Variants in ADAM10 observed in about 807,000 individuals in gnomAD.
The protein encoded by ADAM10 is disintegrin and metalloproteinase domain-containing protein 10.
A neutral mutation model predicts 90.1 loss-of-function variants in ADAM10; 17 were observed. That is an observed-to-expected ratio of 0.19 (90% CI 0.13 to 0.28). The LOEUF is 0.28. Among genes scored for constraint, ADAM10 ranks in the 10% least tolerant of loss-of-function variants. The probability of loss-of-function intolerance (pLI) is 1.00; values close to 1 mark genes in which losing one functional copy is unlikely to be tolerated. For missense variants in ADAM10, 610 were observed against 914.3 expected (o/e 0.67, Z 4.29); for synonymous variants, 310 against 298.6 (o/e 1.04, Z -0.40).
intron 4 of ADAM10, among the ~76,000 whole-genome samples, chr15:58,670,747 C>T (rs949828182): frequency 1.3e-5 from 2 of 152,072 alleles, no homozygotes; most frequent in Non-Finnish European, 2.9e-5. Flanking sequence ...AAGAAAAATA[C>T]TTAATTTACA....
intron 5 of ADAM10, among the ~76,000 whole-genome samples, chr15:58,661,367 T>C (rs1404354529): frequency 6.6e-6 from 1 of 152,210 alleles, no homozygotes; most frequent in Non-Finnish European, 1.5e-5. Flanking sequence ...TCTCAATTTT[T>C]ATTTAAAAAG....
Position 58,597,428 on chromosome 15 carries a change from T to C in ADAM10, c.*119A>G, listed in dbSNP as rs1034055079. The C allele has an allele frequency of 3.8e-6, 6 of 1,569,168 alleles. No individual in the cohort carries two copies. Among genetic ancestry groups the C allele is most frequent in the Middle Eastern group, 1.7e-4 (1 of 5,990 alleles). ...GGTCTGAGGATATGATCTCTTGCCATTTTTTCTTCAACTGTTACTTGTGAG... is the reference window on the plus strand; with the variant it reads ...GGTCTGAGGATATGATCTCTTGCCACTTTTTCTTCAACTGTTACTTGTGAG... On this transcript the variant is annotated 3_prime_UTR_variant, in exon 16 of 16. Transcript: ENST00000260408.
intron 10 of ADAM10, among the ~76,000 whole-genome samples, chr15:58,622,738 C>T (rs1895823468): frequency 6.6e-6 from 1 of 152,158 alleles, no homozygotes. Flanking sequence ...CTTCAGCAGT[C>T]TTCTAAAGTT....
chr15:58,650,814 G>A (rs2140704640), intron 5 of ADAM10, among the ~76,000 whole-genome samples: 1 of 152,194 alleles, frequency 6.6e-6, no homozygotes, highest in Admixed American at 6.5e-5. Context: ...AGGCCAGGTT[G>A]CTATATATTA....
Position 58,682,332 on chromosome 15 carries a change from A to T in ADAM10, c.207-18T>A. 6.2e-7 allele frequency: 1 copy of T among 1,606,510 alleles called. No homozygotes were observed. Among genetic ancestry groups the T allele is most frequent in the Non-Finnish European group, 8.5e-7 (1 of 1,177,634 alleles). ...TGAAATGTCTGTAAAATGGGATGGG[A>T]AGGGGGAACAACTGAAATTAAAAAG... On this transcript the variant is annotated intron_variant, in intron 2 of 15. Transcript: ENST00000260408.
chr15:58,717,537 T>C (rs113312305), intron 2 of ADAM10, 40 bp downstream of exon 2: 14 of 1,611,142 alleles, frequency 8.7e-6, no homozygotes, highest in South Asian at 4.4e-5. Context: ...AGATTGAATA[T>C]AGAGGAACTT....
intron 5 of ADAM10, among the ~76,000 whole-genome samples, chr15:58,647,248 A>ATTTTT (rs67378373): frequency 0.04 from 2,368 of 59,336 alleles, 717 homozygotes; most frequent in East Asian, 0.099. Context: ...GACACTAAGT[A>ATTTTT]TTTTTTTTTT....
intron 4 of ADAM10, chr15:58,672,845 A>G (rs1897229063): frequency 6.6e-6 from 1 of 151,200 alleles, no homozygotes; most frequent in Admixed American, 6.6e-5. Flanking sequence ...AAGAAGAGGA[A>G]GGTGAGGAAG....
At chr15:58,628,243 T>A (rs1407330346) in intron 9 of ADAM10, among the ~76,000 whole-genome samples, 3 of 152,146 alleles carry the variant, frequency 2.0e-5, no homozygotes, top group African/African-American at 7.2e-5. Context: ...CTCTAACACA[T>A]ATGTTAAATT....
At chr15:58,714,876 T>C (rs1481762240) in intron 2 of ADAM10, among the ~76,000 whole-genome samples, 1 of 152,078 alleles carries the variant, frequency 6.6e-6, no homozygotes, top group East Asian at 1.9e-4. Context: ...TAGCAGGAAA[T>C]CTGTAATTAT....
At chr15:58,703,259 C>A (rs146845780) in intron 2 of ADAM10, among the ~76,000 whole-genome samples, 1 of 142,204 alleles carries the variant, frequency 7.0e-6, no homozygotes, top group Non-Finnish European at 1.5e-5. Context: ...ATAATGATCA[C>A]TGTATTCCAG....
chr15:58,640,635 T>C (rs991442207), intron 8 of ADAM10, 142 bp downstream of exon 8: 7 of 776,320 alleles, frequency 9.0e-6, no homozygotes, highest in Non-Finnish European at 1.0e-5. Flanking sequence ...ATTATGCTTA[T>C]GAGTCTTGCC....
intron 2 of ADAM10, among the ~76,000 whole-genome samples, chr15:58,706,127 T>C (rs536587084): frequency 6.6e-6 from 1 of 152,302 alleles, no homozygotes; most frequent in Admixed American, 6.5e-5. Flanking sequence ...ATGGTTCTAA[T>C]ACTCAGAAGA....
At position 58,672,014 on chromosome 15, in the gene ADAM10, C is replaced by T. The variant is rs558492313; in HGVS notation, c.485-6817G>A. 7.9e-5 allele frequency among the ~76,000 whole-genome samples: 12 copies of T among 151,740 alleles called. No individual in the cohort carries two copies. The South Asian group carries it at 1.7e-3, about 21-fold the overall frequency. On this transcript the variant is annotated intron_variant, in intron 4 of 15. Coordinates refer to ENST00000260408, the MANE Select transcript of ADAM10 (RefSeq NM_001110.4). ...CATCTTTAGAGTGTTGAATCTAGTG[C>T]CTTTTACAATACTAAAATTATAAAA...
intron 7 of ADAM10, among the ~76,000 whole-genome samples, chr15:58,643,354 G>C (rs1000962005): frequency 1.2e-4 from 18 of 151,968 alleles, no homozygotes; most frequent in Non-Finnish European, 2.6e-4. Context: ...GAAAAATATG[G>C]GTTTCTTTCC....
At chr15:58,706,732 C>A (rs928888375) in intron 2 of ADAM10, among the ~76,000 whole-genome samples, 60 of 152,116 alleles carry the variant, frequency 3.9e-4, no homozygotes, top group African/African-American at 1.4e-3. Flanking sequence ...AGGGCTCGGC[C>A]AGGTACGGTG....
At chr15:58,746,334 G>C (rs1382259245) in intron 1 of ADAM10, among the ~76,000 whole-genome samples, 1 of 152,144 alleles carries the variant, frequency 6.6e-6, no homozygotes, top group Admixed American at 6.5e-5. Context: ...AAAGAGATCA[G>C]ATAATACACA....
intron 10 of ADAM10, among the ~76,000 whole-genome samples, chr15:58,624,467 T>G (rs1231019198): frequency 6.6e-6 from 1 of 152,244 alleles, no homozygotes; most frequent in Non-Finnish European, 1.5e-5. Flanking sequence ...ATATTAATTT[T>G]TATTTCATAT....
chr15:58,635,287 AAAAAAAG>A (rs1227009832), intron 8 of ADAM10, among the ~76,000 whole-genome samples: 7 of 148,536 alleles, frequency 4.7e-5, no homozygotes, highest in African/African-American at 7.5e-5. Context: ...AAAAAAAAAA[AAAAAAAG>A]AAAGAAAGAA....
Sources: gnomAD v4.1 joint callset for allele counts (sites outside exome capture counted in the v4.1 genomes callset) on GRCh38, gnomAD v4.1.1 for gene constraint, MANE v1.5 for transcripts, NCBI Gene and HGNC (gene_info 2026-07-23, HGNC 2026-07-21) for gene names.